LRBA: variants seen among roughly 807,000 people sequenced by gnomAD.
LRBA encodes the protein LPS responsive beige-like anchor protein.
LRBA carries 176 observed loss-of-function variants against 330.0 expected under a neutral mutation model. The ratio of observed to expected loss-of-function variants is 0.53; its 90% confidence interval spans 0.47 to 0.60. The LOEUF (loss-of-function observed/expected upper bound fraction) is 0.60, where lower values mean the gene tolerates loss of function less well. Among genes scored for constraint, LRBA ranks in the 20% least tolerant of loss-of-function variants. LRBA has a pLI of 0.00. For synonymous variants in LRBA, 1,230 were observed against 1,193.0 expected (o/e 1.03, Z -0.64); for missense variants, 3,259 against 3,444.8 (o/e 0.95, Z 1.35).
chr4:150,963,480 C>G (rs562661780), intron 2 of LRBA, among the ~76,000 whole-genome samples: 8 of 149,688 alleles, frequency 5.3e-5, no homozygotes, highest in African/African-American at 7.7e-5. Context: ...GTCTCGTTCA[C>G]TCAGTGCTCA....
intron 37 of LRBA, among the ~76,000 whole-genome samples, chr4:150,623,719 T>C (rs1447183582): frequency 6.6e-6 from 1 of 152,028 alleles, no homozygotes; most frequent in African/African-American, 2.4e-5. Context: ...ATACCCCTTA[T>C]ACTTGAAAAA....
At chr4:150,495,764 A>T (rs561764722) in intron 40 of LRBA, among the ~76,000 whole-genome samples, 6 of 152,270 alleles carry the variant, frequency 3.9e-5, no homozygotes, top group African/African-American at 1.4e-4. Flanking sequence ...CTGTTCACTG[A>T]AACTCTACAT....
intron 40 of LRBA, among the ~76,000 whole-genome samples, chr4:150,541,508 T>C (rs895414044): frequency 6.6e-6 from 1 of 152,174 alleles, no homozygotes; most frequent in Admixed American, 6.5e-5. Context: ...ATGCCAAATA[T>C]AGACATTTCT....
At chr4:150,271,102 G>A (rs1256057388) in intron 56 of LRBA, among the ~76,000 whole-genome samples, 1 of 152,268 alleles carries the variant, frequency 6.6e-6, no homozygotes, top group South Asian at 2.1e-4. Flanking sequence ...GGAAGCACAA[G>A]GGGTCGGGGA....
chr4:150,662,348 A>G (rs1781196361), intron 37 of LRBA, among the ~76,000 whole-genome samples: 1 of 152,244 alleles, frequency 6.6e-6, no homozygotes, highest in Non-Finnish European at 1.5e-5. Context: ...AGGATATTAC[A>G]TGAAACTGCA....
chr4:150,618,422 A>C (rs933281291), intron 37 of LRBA, among the ~76,000 whole-genome samples: 6 of 152,212 alleles, frequency 3.9e-5, no homozygotes, highest in Admixed American at 1.3e-4. Context: ...ATGAAATGTA[A>C]AAATATTCCA....
intron 22 of LRBA, among the ~76,000 whole-genome samples, chr4:150,862,657 C>T (rs1175452733): frequency 1.4e-5 from 2 of 146,520 alleles, no homozygotes; most frequent in African/African-American, 4.9e-5. Context: ...GTACATGTAC[C>T]CTAGAACTTA....
chr4:150,959,777 A>T (rs989762983), intron 2 of LRBA, among the ~76,000 whole-genome samples: 1 of 145,678 alleles, frequency 6.9e-6, no homozygotes, highest in Non-Finnish European at 1.5e-5. Flanking sequence ...TATACTTATT[A>T]TATTATCTAT....
Position 150,583,389 on chromosome 4 carries a change from G to T in LRBA, c.6330+4659C>A. 6.2e-7 allele frequency: 1 copy of T among 1,614,034 alleles called. No homozygotes were observed. Among genetic ancestry groups the T allele is most frequent in the Non-Finnish European group, 8.5e-7 (1 of 1,180,028 alleles). ...TCTGGGTCGAGTTCATCACGGCGTC[G>T]GGCTATCTCTCAGCGCGTAAGATCC... is the stretch of plus-strand genomic sequence containing the variant. On this transcript the variant is annotated intron_variant, in intron 40 of 56. Transcript: ENST00000651943. This position sits in a 1 kb window ranked among gnomAD's most constrained non-coding sequence, Gnocchi z 9.8.
At chr4:150,502,827 A>T (rs943021572) in intron 40 of LRBA, among the ~76,000 whole-genome samples, 1 of 152,206 alleles carries the variant, frequency 6.6e-6, no homozygotes, top group Non-Finnish European at 1.5e-5. Flanking sequence ...GACAGACGGC[A>T]CCTGGAAAAT....
intron 48 of LRBA, among the ~76,000 whole-genome samples, chr4:150,334,776 A>T (rs1734426909): frequency 6.6e-6 from 1 of 151,604 alleles, no homozygotes; most frequent in South Asian, 2.1e-4. Flanking sequence ...AATTTAAAAA[A>T]AAAGGTCTGC....
At chr4:150,986,566 A>G (rs1741487563) in intron 2 of LRBA, among the ~76,000 whole-genome samples, 1 of 152,242 alleles carries the variant, frequency 6.6e-6, no homozygotes. Context: ...GTTAAAATAA[A>G]GGGAAGGAAG....
intron 29 of LRBA, 127 bp from the exon 30 acceptor site, chr4:150,828,748 C>T: frequency 1.3e-6 from 1 of 774,100 alleles, no homozygotes; most frequent in African/African-American, 1.7e-5. Flanking sequence ...TCTAAAAAAG[C>T]AAAAACTAAT....
intron 17 of LRBA, among the ~76,000 whole-genome samples, chr4:150,885,308 C>A (rs114982174): frequency 0.026 from 3,902 of 151,836 alleles, 138 homozygotes; most frequent in African/African-American, 0.085. Context: ...CTCAATAAAC[C>A]ACCGAAGTGA....
intron 30 of LRBA, among the ~76,000 whole-genome samples, chr4:150,818,559 TGTG>T (rs1744948725): frequency 6.8e-6 from 1 of 146,674 alleles, no homozygotes. Flanking sequence ...TGTGTGTGTG[TGTG>T]TGCGTGCACG....
intron 36 of LRBA, among the ~76,000 whole-genome samples, chr4:150,721,957 A>G (rs932189421): frequency 6.6e-6 from 1 of 152,184 alleles, no homozygotes; most frequent in Non-Finnish European, 1.5e-5. Flanking sequence ...AAAATGGAAA[A>G]TTAGGGCATG....
chr4:150,412,427 C>T (rs529284772), intron 47 of LRBA, among the ~76,000 whole-genome samples: 69 of 152,292 alleles, frequency 4.5e-4, no homozygotes, highest in African/African-American at 1.4e-3. Flanking sequence ...AAAGCAATTA[C>T]GTAAACCACA....
At chr4:150,964,074 C>T (rs552877645) in intron 2 of LRBA, among the ~76,000 whole-genome samples, 3 of 148,430 alleles carry the variant, frequency 2.0e-5, no homozygotes, top group African/African-American at 5.2e-5. Flanking sequence ...GCAGCCTCCC[C>T]GTCCGGGAAG....
At chr4:150,630,773 C>T (rs879888741) in intron 37 of LRBA, among the ~76,000 whole-genome samples, 2 of 152,078 alleles carry the variant, frequency 1.3e-5, no homozygotes, top group Admixed American at 1.3e-4. Context: ...AAAATAAACA[C>T]ATAAAATATA....
Sources: allele counts gnomAD v4.1 joint callset (sites outside exome capture counted in the v4.1 genomes callset), GRCh38; gene constraint gnomAD v4.1.1; non-coding constraint Gnocchi (gnomAD v3.1); transcripts MANE v1.5; gene names NCBI Gene and HGNC (gene_info 2026-07-23, HGNC 2026-07-21).